Variants in LOC400499 observed in about 807,000 individuals in gnomAD.
chr16:11,448,410 G>A, the LOC400499 span, among the ~76,000 whole-genome samples: 1 of 152,200 alleles, frequency 6.6e-6, no homozygotes, highest in African/African-American at 2.4e-5. Context: ...TGGGCATGGT[G>A]GCTCATGCCT....
At chr16:11,490,563 A>G in the LOC400499 span, among the ~76,000 whole-genome samples, 1 of 151,854 alleles carries the variant, frequency 6.6e-6, no homozygotes, top group Non-Finnish European at 1.5e-5. Flanking sequence ...TAGCTGGGCG[A>G]GGTGGTGGCC....
the LOC400499 span, among the ~76,000 whole-genome samples, chr16:11,485,310 G>A: frequency 1.3e-5 from 2 of 152,156 alleles, no homozygotes; most frequent in South Asian, 4.2e-4. Flanking sequence ...TTAAGGCTTG[G>A]TTCAAATGTC....
At chr16:11,526,048 T>C in the LOC400499 span, among the ~76,000 whole-genome samples, 1 of 152,208 alleles carries the variant, frequency 6.6e-6, no homozygotes, top group Non-Finnish European at 1.5e-5. Flanking sequence ...CATTCTTTTA[T>C]GAAACCAACA....
chr16:11,520,546 A>G, the LOC400499 span, among the ~76,000 whole-genome samples: 1 of 152,150 alleles, frequency 6.6e-6, no homozygotes, highest in East Asian at 1.9e-4. Flanking sequence ...CACTACCAGT[A>G]ATCTCAGCTA....
chr16:11,515,617 C>T, the LOC400499 span, among the ~76,000 whole-genome samples: 132 of 143,200 alleles, frequency 9.2e-4, no homozygotes, highest in African/African-American at 3.3e-3. Context: ...GGAAGGAGGA[C>T]CAAGAAGAGA....
chr16:11,426,373 T>G, the LOC400499 span, among the ~76,000 whole-genome samples: 1 of 151,678 alleles, frequency 6.6e-6, no homozygotes, highest in East Asian at 2.0e-4. Context: ...GAGGTGGAGG[T>G]TGCAGGTTGC....
the LOC400499 span, chr16:11,435,619 T>C: frequency 5.0e-6 from 2 of 399,230 alleles, no homozygotes; most frequent in Non-Finnish European, 4.4e-6. Flanking sequence ...TTTTGGCCTC[T>C]GTGGTCTCCC....
chr16:11,383,812 C>T, the LOC400499 span: 1 of 1,232,294 alleles, frequency 8.1e-7, no homozygotes, highest in East Asian at 3.2e-5. Context: ...AGTCACTGTC[C>T]ACACCCTGAG....
the LOC400499 span, among the ~76,000 whole-genome samples, chr16:11,421,954 T>G: frequency 1.3e-5 from 2 of 152,150 alleles, no homozygotes. Context: ...CAACAAGAAA[T>G]GTGAAAAGAT....
chr16:11,448,040 G>A, the LOC400499 span: 1,251,345 of 1,535,680 alleles, frequency 0.81, 511,229 homozygotes, highest in South Asian at 0.85. Flanking sequence ...GCACCAATCC[G>A]CACAGCCGTG....
the LOC400499 span, chr16:11,411,120 G>A: frequency 1.3e-3 from 522 of 397,382 alleles, 1 homozygote; most frequent in African/African-American, 6.4e-3. Flanking sequence ...GTTGCCCACC[G>A]GAGCCTGCTG....
the LOC400499 span, among the ~76,000 whole-genome samples, chr16:11,444,859 T>C: frequency 6.6e-6 from 1 of 151,958 alleles, no homozygotes; most frequent in South Asian, 2.1e-4. Flanking sequence ...GATGGGAGGA[T>C]GGCTTAGAGT....
the LOC400499 span, among the ~76,000 whole-genome samples, chr16:11,463,711 ATG>A: frequency 6.6e-6 from 1 of 151,688 alleles, no homozygotes; most frequent in African/African-American, 2.4e-5. Flanking sequence ...GTATATATGG[ATG>A]TGTGTGTGGA....
chr16:11,459,790 C>G, the LOC400499 span: 3,154 of 1,142,432 alleles, frequency 2.8e-3, 83 homozygotes, highest in African/African-American at 0.046. Flanking sequence ...GTTTCAGCTG[C>G]TTGCATCCTT....
At chr16:11,398,727 T>G in the LOC400499 span, among the ~76,000 whole-genome samples, 1 of 151,886 alleles carries the variant, frequency 6.6e-6, no homozygotes, top group Non-Finnish European at 1.5e-5. Flanking sequence ...TGGCATGATC[T>G]AGACTCACTG....
chr16:11,393,556 G>C, the LOC400499 span: 2 of 1,232,376 alleles, frequency 1.6e-6, no homozygotes, highest in Non-Finnish European at 2.0e-6. Flanking sequence ...TTGGAGCCAC[G>C]AAGCTGGGAG....
the LOC400499 span, chr16:11,414,484 G>A: frequency 5.0e-6 from 2 of 400,060 alleles, no homozygotes; most frequent in East Asian, 3.6e-5. Flanking sequence ...ACCATGGAGG[G>A]CCACCCTGGC....
the LOC400499 span, chr16:11,447,807 CTGGGCCCCAGCAGGTCAGCAGAGATT>C: frequency 3.1e-6 from 4 of 1,293,822 alleles, no homozygotes; most frequent in Admixed American, 1.3e-4. Context: ...TAGGTTCCAT[CTGGGCCCCAGCAGGTCAGCAGAGATT>C]CTCCAGGTAG....
At chr16:11,463,528 G>A in the LOC400499 span, among the ~76,000 whole-genome samples, 2 of 151,982 alleles carry the variant, frequency 1.3e-5, no homozygotes, top group East Asian at 3.8e-4. Flanking sequence ...ACATGGATGT[G>A]TCTGTATGTA....
Sources: allele counts gnomAD v4.1 joint callset (sites outside exome capture counted in the v4.1 genomes callset), GRCh38; gene constraint gnomAD v4.1.1; transcripts MANE v1.5.